Variants in ODAD2 observed in about 807,000 individuals in gnomAD.
ODAD2 encodes the protein outer dynein arm-docking complex subunit 2.
In ODAD2, 89 loss-of-function variants were observed where a neutral mutation model predicts 106.8. That is an observed-to-expected ratio of 0.83 (90% CI 0.70 to 0.99). The LOEUF is 0.99. Among genes scored for constraint, ODAD2 ranks in the 50% least tolerant of loss-of-function variants. ODAD2 has a pLI of 0.00. For synonymous variants in ODAD2, 404 were observed against 436.2 expected (o/e 0.93, Z 0.92); for missense variants, 1,168 against 1,238.5 (o/e 0.94, Z 0.85).
In ODAD2 at chr10:27,907,734, G is replaced by T; in HGVS notation, c.2539C>A (p.Leu847Met). 1 of 1,613,866 alleles carries T rather than the reference G, an allele frequency of 6.2e-7. No individual in the cohort carries two copies. The highest frequency in any genetic ancestry group is 8.5e-7 in the Non-Finnish European group (1 of 1,179,858). ...TTCACGTCTGGGTGAGGATTTTTCAGCAGGGACCACAACAAACGAACTCCA... is the reference window on the plus strand; with the variant it reads ...TTCACGTCTGGGTGAGGATTTTTCATCAGGGACCACAACAAACGAACTCCA... ...LDGVRLLWSL[L>M]KNPHPDVKAS... is the part of the protein sequence containing the mutation. The change falls in exon 17 of 20, where the codon CTG becomes ATG. Residue 847 changes from leucine to methionine, a missense_variant. Leu to Met is a conservative substitution (Grantham distance 15, BLOSUM62 2). Around this residue, in one of 3 missense-constraint regions of ODAD2, gnomAD observed 701 missense variants for 712.3 expected, o/e 0.98. Coordinates refer to ENST00000305242, the MANE Select transcript of ODAD2 (RefSeq NM_018076.5).
At chr10:27,967,386 T>A (rs1848549448) in intron 9 of ODAD2, among the ~76,000 whole-genome samples, 1 of 151,996 alleles carries the variant, frequency 6.6e-6, no homozygotes, top group African/African-American at 2.4e-5. Flanking sequence ...AACGAAGGAC[T>A]CCCCCGTCAC....
chr10:27,919,581 A>C (rs1844632195), intron 16 of ODAD2, among the ~76,000 whole-genome samples: 1 of 152,282 alleles, frequency 6.6e-6, no homozygotes, highest in Non-Finnish European at 1.5e-5. Flanking sequence ...TTATCAGAAA[A>C]ATGAAAATGA....
intron 19 of ODAD2, among the ~76,000 whole-genome samples, chr10:27,817,679 T>C (rs570944429): frequency 6.6e-6 from 1 of 152,208 alleles, no homozygotes; most frequent in Non-Finnish European, 1.5e-5. Flanking sequence ...TTCTTTTTTA[T>C]GACTGAGTAG....
intron 10 of ODAD2, among the ~76,000 whole-genome samples, chr10:27,948,103 T>C (rs1847068066): frequency 6.6e-6 from 1 of 152,158 alleles, no homozygotes; most frequent in Non-Finnish European, 1.5e-5. Flanking sequence ...TTATAGCTTT[T>C]TGAAGTATCT....
rs749759910 is a variant in ODAD2 at position 27,944,219 on chromosome 10, C to T, written c.1743+3G>A. ...TGACGATGACAACATCACGGCTACTCACCAGTTTGGTGATACCCCCGTGCT... is the reference window on the plus strand; with the variant it reads ...TGACGATGACAACATCACGGCTACTTACCAGTTTGGTGATACCCCCGTGCT... On this transcript the variant is annotated splice_donor_region_variant and intron_variant, in intron 12 of 19. Coordinates refer to ENST00000305242, the MANE Select transcript of ODAD2 (RefSeq NM_018076.5). The T allele has an allele frequency of 3.7e-6, 6 of 1,610,092 alleles. 1 individual carries two copies. Among genetic ancestry groups the T allele is most frequent in the South Asian group, 2.2e-5 (2 of 90,500 alleles).
intron 1 of ODAD2, among the ~76,000 whole-genome samples, 156 bp from the exon 2 acceptor site, chr10:27,995,336 A>G (rs942647944): frequency 7.9e-5 from 12 of 152,342 alleles, no homozygotes; most frequent in African/African-American, 1.7e-4. Context: ...CTTCAGTTCA[A>G]TGAAGTAGTA....
At chr10:27,840,945 G>T (rs1838263328) in intron 19 of ODAD2, among the ~76,000 whole-genome samples, 1 of 152,178 alleles carries the variant, frequency 6.6e-6, no homozygotes. Flanking sequence ...GGAGAGTAAT[G>T]CCTGCACCAC....
chr10:27,820,800 T>TTTTTTTTTTTTTA (rs1210460338), intron 19 of ODAD2, among the ~76,000 whole-genome samples: 1 of 140,932 alleles, frequency 7.1e-6, no homozygotes, highest in African/African-American at 2.8e-5. Flanking sequence ...TTTTTTTTTT[T>TTTTTTTTTTTTTA]TGATGGAGTT....
At chr10:27,872,414 G>A in intron 17 of ODAD2, among the ~76,000 whole-genome samples, 1 of 151,778 alleles carries the variant, frequency 6.6e-6, no homozygotes, top group Non-Finnish European at 1.5e-5. Context: ...GGGTGAGAGA[G>A]GGCATCCCTG....
intron 1 of ODAD2, among the ~76,000 whole-genome samples, chr10:27,997,967 T>G (rs1178665613): frequency 3.9e-5 from 6 of 152,232 alleles, no homozygotes; most frequent in African/African-American, 1.4e-4. Flanking sequence ...TTACATAAAC[T>G]GGGAATCACT....
In ODAD2 at chr10:27,897,764, C is replaced by T. The variant is rs557288389; in HGVS notation, c.2610+9899G>A. Among the ~76,000 whole-genome samples, 6 of 152,214 alleles carry T rather than the reference C, an allele frequency of 3.9e-5. No homozygotes were observed. In the East Asian group the frequency reaches 1.2e-3, roughly 29 times the overall value. On this transcript the variant is annotated intron_variant, in intron 17 of 19. Transcript: ENST00000305242. ...TCAAGCAGAGATCTTTTTCAGGAGG[C>T]TGTCTTTCCTTTAAGACAAGAAGAG... is the stretch of plus-strand genomic sequence containing the variant.
chr10:27,832,573 G>T (rs1465782091), intron 19 of ODAD2, among the ~76,000 whole-genome samples: 1 of 151,874 alleles, frequency 6.6e-6, no homozygotes, highest in Non-Finnish European at 1.5e-5. Context: ...AATTACTTTG[G>T]TATAGAACTT....
intron 16 of ODAD2, among the ~76,000 whole-genome samples, chr10:27,919,099 C>A (rs1446685979): frequency 6.6e-6 from 1 of 151,856 alleles, no homozygotes; most frequent in Non-Finnish European, 1.5e-5. Flanking sequence ...GTCTCAATAT[C>A]ATTAAGATTT....
At chr10:27,928,448 CTATT>C (rs1330573685) in intron 16 of ODAD2, among the ~76,000 whole-genome samples, 9 of 152,092 alleles carry the variant, frequency 5.9e-5, no homozygotes, top group Admixed American at 1.3e-4. Flanking sequence ...TTTCCTGTCT[CTATT>C]AATGCTAAAA....
rs1213142268 is a variant in ODAD2, at chr10:27,860,798, A to G, written c.2848T>C (p.Cys950Arg). The G allele has an allele frequency of 1.9e-6, 3 of 1,614,056 alleles. No individual in the cohort carries two copies. The African/African-American group carries it at 4.0e-5, about 22-fold the overall frequency. The part of the protein sequence containing the change: ...HHLAEAISRC[C>R]MWGRNRVAFG... ...GCCACTCTATTCCTGCCCCACATAC[A>G]GCAACGTGAAATAGCTTCTGCTAGA... The change falls in exon 19 of 20, where the codon TGT becomes CGT. Residue 950 changes from cysteine to arginine, a missense_variant. Cys to Arg is a radical substitution (Grantham distance 180). Around this residue, in one of 3 missense-constraint regions of ODAD2, gnomAD observed 701 missense variants for 712.3 expected, o/e 0.98. Coordinates refer to ENST00000305242, the MANE Select transcript of ODAD2 (RefSeq NM_018076.5).
chr10:27,974,409 G>C (rs992411328), intron 7 of ODAD2, among the ~76,000 whole-genome samples: 3 of 152,116 alleles, frequency 2.0e-5, no homozygotes, highest in African/African-American at 2.4e-5. Flanking sequence ...TTTGTATATG[G>C]TATAAGAAAG....
chr10:27,985,234 G>A (rs573310701), intron 3 of ODAD2, 23 bp from the exon 4 acceptor site: 288 of 1,410,314 alleles, frequency 2.0e-4, no homozygotes, highest in Non-Finnish European at 2.6e-4. Flanking sequence ...AAAAAAAGGA[G>A]ACAAATAAAA....
At chr10:27,902,354 T>G (rs1245047128) in intron 17 of ODAD2, among the ~76,000 whole-genome samples, 1 of 151,198 alleles carries the variant, frequency 6.6e-6, no homozygotes, top group African/African-American at 2.4e-5. Flanking sequence ...AGAAAAGATC[T>G]AAAATCGACA....
intron 16 of ODAD2, among the ~76,000 whole-genome samples, chr10:27,916,095 T>C (rs1028577566): frequency 6.6e-6 from 1 of 152,104 alleles, no homozygotes; most frequent in East Asian, 1.9e-4. Context: ...GTCAGAACCC[T>C]AGCAGAATAA....
Sources: allele counts gnomAD v4.1 joint callset (sites outside exome capture counted in the v4.1 genomes callset), GRCh38; gene constraint gnomAD v4.1.1; regional missense constraint gnomAD v4.1.1; transcripts MANE v1.5; gene names NCBI Gene and HGNC (gene_info 2026-07-23, HGNC 2026-07-21).